The following ADD2 variants were observed in gnomAD, a reference collection of about 807,000 sequenced individuals.
ADD2 encodes the protein adducin 2.
In ADD2, 23 loss-of-function variants were observed where a neutral mutation model predicts 83.0. The observed-to-expected ratio is 0.28, with a 90% CI of 0.20 to 0.39. The LOEUF (loss-of-function observed/expected upper bound fraction) is 0.39. Ranked by LOEUF, ADD2 falls within the 10% of genes least tolerant of loss-of-function variation. The pLI is 1.00. For synonymous variants in ADD2, 375 were observed against 375.4 expected (o/e 1.00, Z 0.01); for missense variants, 758 against 944.9 (o/e 0.80, Z 2.59).
At chr2:70,666,091 G>A (rs2104160357) in intron 15 of ADD2, among the ~76,000 whole-genome samples, 1 of 152,308 alleles carries the variant, frequency 6.6e-6, no homozygotes, top group East Asian at 1.9e-4. Flanking sequence ...TGGGATTACA[G>A]GCGTGAGCCA....
rs527878592 is a variant in ADD2, at chr2:70,677,790, C to T, written c.1471G>A (p.Asp491Asn). The T allele has an allele frequency of 1.7e-5, 28 of 1,614,190 alleles. No individual in the cohort carries two copies. In the South Asian group the frequency reaches 3.1e-4, roughly 18 times the overall value. The change falls in exon 12 of 16, where the codon GAC becomes AAC. Residue 491 changes from aspartate to asparagine, a missense_variant. By Grantham distance (23) the Asp-to-Asn change is conservative. Around this residue, in one of 5 missense-constraint regions of ADD2, gnomAD observed 394 missense variants for 509.3 expected, o/e 0.77. Coordinates refer to ENST00000264436, the MANE Select transcript of ADD2 (RefSeq NM_001617.4). ...CTCATCTCCAGTACTTCCTGGGGGTCAGTATAGAGAGGCACAAATTGGTTT... is the reference window on the plus strand; with the variant it reads ...CTCATCTCCAGTACTTCCTGGGGGTTAGTATAGAGAGGCACAAATTGGTTT... ...NPNQFVPLYTDPQEVLEMRNK... is the reference protein window; with the variant it reads ...NPNQFVPLYTNPQEVLEMRNK...
Position 70,673,386 on chromosome 2 carries a change from G to A in ADD2, c.1742-380C>T, listed in dbSNP as rs782540090. ...GCACAGAGCACATCAACGGGTAAGA[G>A]GTGGACCCACAACCACCAACTCCCC... On this transcript the variant is annotated intron_variant, in intron 14 of 15. Transcript: ENST00000264436. The A allele has an allele frequency of 1.1e-5, 17 of 1,479,890 alleles. No individual in the cohort carries two copies. The South Asian group carries it at 1.5e-4, about 13-fold the overall frequency. The allele number at this position is 1,479,890 out of a possible 1,614,324, so 91.7% of individuals were successfully genotyped here.
Position 70,676,758 on chromosome 2 carries a change from C to T in ADD2, c.1593+38G>A, listed in dbSNP as rs372299540. ...AGGCACAGAAGACCCCGAAGGCAAA[C>T]ACGTTTCCCCGCCAGTCAGGGGCAG... On this transcript the variant is annotated intron_variant, in intron 13 of 15. Coordinates refer to ENST00000264436, the MANE Select transcript of ADD2 (RefSeq NM_001617.4). The surrounding 1 kb of genome is among the most constrained non-coding windows in gnomAD (Gnocchi z 4.8). The T allele has an allele frequency of 1.9e-6, 3 of 1,613,988 alleles. No homozygotes were observed. The highest frequency in any genetic ancestry group is 1.7e-5 in the Admixed American group (1 of 60,018).
At chr2:70,751,974 T>G (rs1428334385) in intron 1 of ADD2, among the ~76,000 whole-genome samples, 2 of 152,222 alleles carry the variant, frequency 1.3e-5, no homozygotes, top group Non-Finnish European at 1.5e-5. Flanking sequence ...AGACACAATG[T>G]TTCAGCAAAG....
intron 1 of ADD2, among the ~76,000 whole-genome samples, chr2:70,735,807 C>T (rs185355697): frequency 6.6e-5 from 10 of 150,866 alleles, no homozygotes; most frequent in African/African-American, 1.7e-4. Context: ...CTGCAACCTC[C>T]GCCTCCTGGG....
chr2:70,729,094 T>A (rs1322213264), intron 1 of ADD2, among the ~76,000 whole-genome samples: 1 of 152,184 alleles, frequency 6.6e-6, no homozygotes, highest in Admixed American at 6.5e-5. Context: ...CCCTGCAGGC[T>A]CCCATGGCAG....
chr2:70,717,494 AC>A (rs1370400825), intron 1 of ADD2, among the ~76,000 whole-genome samples: 1 of 152,100 alleles, frequency 6.6e-6, no homozygotes, highest in African/African-American at 2.4e-5. Flanking sequence ...GTGGCTCAGC[AC>A]CCAGAGCTCA....
At position 70,664,637 on chromosome 2, in the gene ADD2, G is replaced by A. The variant is rs151172748; in HGVS notation, c.1871-902C>T. Among the ~76,000 whole-genome samples, 75 of 152,296 alleles carry A rather than the reference G, an allele frequency of 4.9e-4. 1 individual carries two copies. Among genetic ancestry groups the A allele is most frequent in the South Asian group, 4.6e-3 (22 of 4,826 alleles). On this transcript the variant is annotated intron_variant, in intron 15 of 15. Transcript: ENST00000264436. ...CACAGTACCATGGTGGGCAGACCTC[G>A]GCTTACCAACTTCCGGTTCAGCTTC... is the stretch of plus-strand genomic sequence containing the variant.
chr2:70,704,265 C>CCCCCCCCCCCCCCCCCCCCCCCA, intron 4 of ADD2, 56 bp downstream of exon 4: 3 of 442,438 alleles, frequency 6.8e-6, no homozygotes, highest in Non-Finnish European at 1.4e-5. Flanking sequence ...CCCTCTCTTC[C>CCCCCCCCCCCCCCCCCCCCCCCA]CCACCCCACC....
rs75430347 is a variant in ADD2, at chr2:70,737,916, T to C, written c.-153-24732A>G. 1.2e-3 allele frequency among the ~76,000 whole-genome samples: 180 copies of C among 152,114 alleles called. 2 individuals are homozygous for C. Among genetic ancestry groups the C allele is most frequent in the African/African-American group, 4.1e-3 (169 of 41,488 alleles). ...GCCTGCCCCTGATCTTCACTACCAC[T>C]CTTTAGAGTGGAAATTACTATCCCC... is the stretch of plus-strand genomic sequence containing the variant. On this transcript the variant is annotated intron_variant, in intron 1 of 15. Transcript: ENST00000264436.
chr2:70,663,602 C>G lies in ADD2; in HGVS notation c.2004G>C (p.Gln668His), dbSNP rs782344327. ...CATCCGTGTCAGCACTGGTGGTCAT[C>G]TGGCTCAGGCCTTTGCTGAGGATTT... ...AEEILSKGLSQMTTSADTDVD... is the reference protein window; with the variant it reads ...AEEILSKGLSHMTTSADTDVD... The change falls in exon 16 of 16, where the codon CAG (glutamine) becomes CAC (histidine). Residue 668 changes from glutamine (Q) to histidine (H), a missense_variant. Transcript: ENST00000264436. 6.2e-7 allele frequency: 1 copy of G among 1,614,184 alleles called. No individual in the cohort carries two copies. The highest frequency in any genetic ancestry group is 1.1e-5 in the South Asian group (1 of 91,074).
chr2:70,766,528 TAA>T (rs782708265), intron 1 of ADD2, among the ~76,000 whole-genome samples: 2 of 152,240 alleles, frequency 1.3e-5, no homozygotes, highest in Non-Finnish European at 2.9e-5. Flanking sequence ...CAGATTCATT[TAA>T]AACACTTTTA....
chr2:70,702,743 G>A (rs1014378157), intron 4 of ADD2, among the ~76,000 whole-genome samples: 4 of 150,622 alleles, frequency 2.7e-5, no homozygotes, highest in African/African-American at 9.8e-5. Flanking sequence ...TAGAGAAACA[G>A]CTTTACTTTA....
chr2:70,716,047 G>C (rs1672449608), intron 1 of ADD2, among the ~76,000 whole-genome samples: 1 of 151,844 alleles, frequency 6.6e-6, no homozygotes, highest in East Asian at 1.9e-4. Context: ...TTAAAGCCCT[G>C]CTTTTCCAAC....
rs1553365497 is a variant in ADD2, at chr2:70,663,585, T to G, written c.2021A>C (p.Asp674Ala). 1 of 1,614,182 alleles carries G rather than the reference T, an allele frequency of 6.2e-7. No homozygotes were observed. The highest frequency in any genetic ancestry group is 8.5e-7 in the Non-Finnish European group (1 of 1,180,032). Residue 674 changes from aspartate to alanine, a missense_variant, in exon 16 of 16, where the codon GAC (aspartate) becomes GCC (alanine). By Grantham distance (126) the Asp-to-Ala change is moderately radical. Coordinates refer to ENST00000264436, the MANE Select transcript of ADD2 (RefSeq NM_001617.4). ...KGLSQMTTSA[D>A]TDVDTSKDKT... ...GTCCTTAGAGGTATCAACATCCGTG[T>G]CAGCACTGGTGGTCATCTGGCTCAG...
intron 15 of ADD2, among the ~76,000 whole-genome samples, chr2:70,670,029 A>T (rs1669836702): frequency 6.6e-6 from 1 of 152,176 alleles, no homozygotes; most frequent in African/African-American, 2.4e-5. Context: ...CGCAGATATC[A>T]CATCAATTAG....
chr2:70,704,273 A>ACC, intron 4 of ADD2, 48 bp downstream of exon 4: 4 of 523,434 alleles, frequency 7.6e-6, no homozygotes, highest in South Asian at 4.0e-5. Flanking sequence ...TCCCCACCCC[A>ACC]CCCTCCCCTC....
At chr2:70,726,613 C>T (rs1030044) in intron 1 of ADD2, among the ~76,000 whole-genome samples, 80,083 of 152,030 alleles carry the variant, frequency 0.53, 22,653 homozygotes, top group African/African-American at 0.73. Context: ...AGGTTCCTAA[C>T]TTCAATGAAC....
chr2:70,742,163 T>C (rs944092722), intron 1 of ADD2, among the ~76,000 whole-genome samples: 12 of 152,260 alleles, frequency 7.9e-5, no homozygotes, highest in African/African-American at 2.2e-4. Context: ...ATTCTTCTTT[T>C]CCTTGACGTC....
Sources: gnomAD v4.1 joint callset for allele counts (sites outside exome capture counted in the v4.1 genomes callset) on GRCh38, gnomAD v4.1.1 for gene constraint, gnomAD v4.1.1 regional missense constraint, Gnocchi (gnomAD v3.1) non-coding constraint, MANE v1.5 for transcripts, NCBI Gene and HGNC (gene_info 2026-07-23, HGNC 2026-07-21) for gene names.